Variants in FAT3 observed in about 807,000 individuals in gnomAD.
FAT3 encodes the protein FAT atypical cadherin 3.
A neutral mutation model predicts 310.2 loss-of-function variants in FAT3; 95 were observed. The ratio of observed to expected loss-of-function variants is 0.31; its 90% CI spans 0.26 to 0.36. The LOEUF is 0.36. Ranked by LOEUF, FAT3 falls within the 10% of genes least tolerant of loss-of-function variation. FAT3 has a pLI of 1.00. For synonymous variants in FAT3, 2,314 were observed against 2,192.9 expected, an observed-to-expected ratio of 1.06 and a Z score of -1.54; for missense variants, 5,408 against 5,715.6, an observed-to-expected ratio of 0.95 and a Z score of 1.74.
intron 4 of FAT3, among the ~76,000 whole-genome samples, chr11:92,707,599 CTG>C (rs1490502551): frequency 6.6e-6 from 1 of 152,160 alleles, no homozygotes; most frequent in Non-Finnish European, 1.5e-5. Flanking sequence ...GAACTCCTGA[CTG>C]TGAATCCCCC....
intron 2 of FAT3, among the ~76,000 whole-genome samples, chr11:92,482,147 A>G (rs1236016238): frequency 2.0e-5 from 3 of 152,180 alleles, no homozygotes; most frequent in African/African-American, 7.2e-5. Flanking sequence ...ATTCATTTTA[A>G]TATAGTAAGA....
At chr11:92,507,400 T>A (rs1251370971) in intron 2 of FAT3, among the ~76,000 whole-genome samples, 1 of 152,042 alleles carries the variant, frequency 6.6e-6, no homozygotes, top group Non-Finnish European at 1.5e-5. Flanking sequence ...ATTGTTTCCA[T>A]TGTGAAGAAA....
At chr11:92,278,685 T>TA (rs1946344003) in intron 1 of FAT3, among the ~76,000 whole-genome samples, 1 of 152,282 alleles carries the variant, frequency 6.6e-6, no homozygotes, top group East Asian at 1.9e-4. Flanking sequence ...AATAGAAGAA[T>TA]AAAAACAAGT....
intron 3 of FAT3, among the ~76,000 whole-genome samples, chr11:92,649,888 T>C (rs1447194076): frequency 2.7e-4 from 16 of 58,698 alleles, no homozygotes; most frequent in South Asian, 1.1e-3. Flanking sequence ...TATATATATA[T>C]ATATATATAT....
At chr11:92,640,099 T>G (rs1424731139) in intron 3 of FAT3, among the ~76,000 whole-genome samples, 3 of 152,128 alleles carry the variant, frequency 2.0e-5, no homozygotes, top group Non-Finnish European at 4.4e-5. Context: ...TTTTTGCCCT[T>G]TTTTTCTTTA....
At chr11:92,431,568 A>G (rs1236987271) in intron 2 of FAT3, among the ~76,000 whole-genome samples, 1 of 152,078 alleles carries the variant, frequency 6.6e-6, no homozygotes, top group Non-Finnish European at 1.5e-5. Context: ...TTGGTGTTTT[A>G]GACATGAAGT....
chr11:92,752,323 G>A (rs1591684665), intron 4 of FAT3, among the ~76,000 whole-genome samples: 1 of 152,232 alleles, frequency 6.6e-6, no homozygotes, highest in South Asian at 2.1e-4. Flanking sequence ...CTTGAGAATA[G>A]TGTGACCTTT....
chr11:92,282,741 C>T (rs1263327394), intron 1 of FAT3, among the ~76,000 whole-genome samples: 1 of 151,634 alleles, frequency 6.6e-6, no homozygotes, highest in Non-Finnish European at 1.5e-5. Context: ...TTTAAGGATC[C>T]TAAGTGTACG....
chr11:92,226,226 C>A (rs949545578), intron 1 of FAT3, among the ~76,000 whole-genome samples: 2 of 152,172 alleles, frequency 1.3e-5, no homozygotes, highest in Non-Finnish European at 2.9e-5. Context: ...GCATCTGGCC[C>A]CCCGGCTTGC....
chr11:92,468,674 A>G (rs1001593433), intron 2 of FAT3, among the ~76,000 whole-genome samples: 1 of 152,184 alleles, frequency 6.6e-6, no homozygotes, highest in Admixed American at 6.5e-5. Flanking sequence ...ACTTACAGTC[A>G]TGGTGGAAGA....
chr11:92,826,625 A>G, intron 13 of FAT3, among the ~76,000 whole-genome samples: 1 of 152,234 alleles, frequency 6.6e-6, no homozygotes, highest in East Asian at 1.9e-4. Context: ...AAGTTAATAT[A>G]AAAATTAGAG....
intron 21 of FAT3, among the ~76,000 whole-genome samples, chr11:92,864,584 G>A (rs569467096): frequency 1.8e-3 from 272 of 152,276 alleles, no homozygotes; most frequent in Non-Finnish European, 2.9e-3. Flanking sequence ...TTGAGAGGCC[G>A]AGGCAGGCAG....
At chr11:92,350,379 C>T (rs1948532238) in intron 1 of FAT3, among the ~76,000 whole-genome samples, 1 of 150,062 alleles carries the variant, frequency 6.7e-6, no homozygotes, top group Admixed American at 6.6e-5. Context: ...AGTTTGCAGC[C>T]AATAACTAGA....
chr11:92,368,782 G>T (rs1276816053), intron 2 of FAT3, among the ~76,000 whole-genome samples: 8 of 150,502 alleles, frequency 5.3e-5, no homozygotes, highest in Non-Finnish European at 1.0e-4. Flanking sequence ...GAGTGGTTTT[G>T]GAAGCCATTT....
intron 3 of FAT3, among the ~76,000 whole-genome samples, chr11:92,635,925 G>T (rs979430628): frequency 1.3e-5 from 2 of 152,070 alleles, no homozygotes; most frequent in African/African-American, 2.4e-5. Flanking sequence ...GATGTAAGCA[G>T]TTCCTACAAG....
At chr11:92,726,169 C>A (rs1944991581) in intron 4 of FAT3, among the ~76,000 whole-genome samples, 2 of 152,012 alleles carry the variant, frequency 1.3e-5, no homozygotes, top group Admixed American at 1.3e-4. Context: ...AATAAAAGAT[C>A]AACTATAAGA....
At chr11:92,525,985 TTATGAGTGGATCAA>T (rs1458779140) in intron 3 of FAT3, among the ~76,000 whole-genome samples, 1 of 152,222 alleles carries the variant, frequency 6.6e-6, no homozygotes, top group African/African-American at 2.4e-5. Flanking sequence ...TTTTCTCTAA[TTATGAGTGGATCAA>T]TCATTTTGTT....
chr11:92,810,736 A>G (rs1019167908), intron 13 of FAT3, among the ~76,000 whole-genome samples: 1 of 152,198 alleles, frequency 6.6e-6, no homozygotes, highest in Non-Finnish European at 1.5e-5. Context: ...ATGGTGAGTT[A>G]GAAAAGACTG....
rs77394314 is a variant in FAT3 at position 92,353,345 on chromosome 11, A to C, written c.1233A>C (p.Leu411Phe). The change falls in exon 2 of 28, where the codon TTA becomes TTC. Residue 411 changes from leucine to phenylalanine, a missense_variant. Coordinates refer to ENST00000525166, the MANE Select transcript of FAT3 (RefSeq NM_001367949.2). ...AACCGATAGATGTGGAATACAAATT[A>C]TCTCCTGGTGAGGATGCAGTGTACT... ...SPEPIDVEYKLSPGEDAVYFK... is the reference protein window; with the variant it reads ...SPEPIDVEYKFSPGEDAVYFK... The C allele has an allele frequency of 3.2e-4, 512 of 1,613,636 alleles. No individual in the cohort carries two copies. In the African/African-American group the frequency reaches 5.9e-3, roughly 19 times the overall value.
Sources: allele counts gnomAD v4.1 joint callset (sites outside exome capture counted in the v4.1 genomes callset), GRCh38; gene constraint gnomAD v4.1.1; transcripts MANE v1.5; gene names NCBI Gene and HGNC (gene_info 2026-07-23, HGNC 2026-07-21).